MLIP: variants seen among roughly 807,000 people sequenced by gnomAD.
MLIP encodes muscular LMNA-interacting protein.
A neutral mutation model predicts 84.8 loss-of-function variants in MLIP; 79 were observed. The observed-to-expected ratio is 0.93, with a 90% CI of 0.78 to 1.12. MLIP has a LOEUF of 1.12. Among genes scored for constraint, MLIP ranks in the 50% most tolerant of loss-of-function variants. The pLI, the probability that MLIP is intolerant of heterozygous loss-of-function variation, is 0.00. For synonymous variants in MLIP, 504 were observed against 463.0 expected (o/e 1.09, Z -1.14); for missense variants, 1,257 against 1,160.6 (o/e 1.08, Z -1.21).
At chr6:54,211,705 T>C (rs1779464396) in intron 11 of MLIP, among the ~76,000 whole-genome samples, 2 of 152,172 alleles carry the variant, frequency 1.3e-5, no homozygotes, top group South Asian at 4.1e-4. Flanking sequence ...GCTACTAGCA[T>C]TTAGTAGGTG....
chr6:54,234,055 TCTTGTAGATTTATTTAAGTTC>T (rs1781195558), intron 12 of MLIP, among the ~76,000 whole-genome samples: 1 of 152,200 alleles, frequency 6.6e-6, no homozygotes, highest in Non-Finnish European at 1.5e-5. Context: ...TTTGTTTTTT[TCTTGTAGATTTATTTAAGTTC>T]CTTGTAGATT....
At chr6:54,152,569 G>C (rs1773561602) in intron 5 of MLIP, among the ~76,000 whole-genome samples, 1 of 152,074 alleles carries the variant, frequency 6.6e-6, no homozygotes, top group Non-Finnish European at 1.5e-5. Flanking sequence ...GGGAAAGACT[G>C]GCACCCATGA....
Position 54,160,919 on chromosome 6 carries a change from C to CT in MLIP, c.2499+126dup, listed in dbSNP as rs560084368. The CT allele has an allele frequency of 5.2e-6, 4 of 768,918 alleles. No individual in the cohort carries two copies. The South Asian group carries it at 5.4e-5, about 10-fold the overall frequency. The allele number at this position is 768,918 out of a possible 1,614,324, so 47.6% of individuals were successfully genotyped here. ...ATAAATTTAGTGAATAGCAATCAGT[C>CT]TTTTTTGTAGAATTTTAAAGATAGT... On this transcript the variant is annotated intron_variant, in intron 8 of 13. Transcript: ENST00000502396.
chr6:54,155,799 G>C (rs1381384074), intron 5 of MLIP, among the ~76,000 whole-genome samples: 1 of 151,880 alleles, frequency 6.6e-6, no homozygotes, highest in Non-Finnish European at 1.5e-5. Context: ...AGATTTATTT[G>C]GTATCTTTTC....
At chr6:54,212,089 T>C (rs145758734) in intron 11 of MLIP, among the ~76,000 whole-genome samples, 52 of 152,336 alleles carry the variant, frequency 3.4e-4, no homozygotes, top group Middle Eastern at 3.4e-3. Context: ...ATGTACATTT[T>C]CAATGATTCC....
chr6:54,137,338 A>C lies in MLIP; in HGVS notation c.1269A>C (p.Ser423=), dbSNP rs1000286635. ...RLALLTAILK[S]NPSHQRPFSP... is the part of the protein sequence containing the mutation. ...CCCTTCTCACTGCCATTCTCAAGTC[A>C]AACCCTTCCCACCAAAGACCCTTTT... Residue 423 remains serine, a synonymous_variant, in exon 4 of 14, where the codon TCA becomes TCC. Coordinates refer to ENST00000502396, the MANE Select transcript of MLIP (RefSeq NM_001281747.2). The C allele has an allele frequency of 2.6e-6, 4 of 1,535,880 alleles. No individual in the cohort carries two copies. Among genetic ancestry groups the C allele is most frequent in the Non-Finnish European group, 3.5e-6 (4 of 1,146,846 alleles).
chr6:54,171,717 C>A (rs1775788275), intron 9 of MLIP, among the ~76,000 whole-genome samples: 1 of 151,252 alleles, frequency 6.6e-6, no homozygotes, highest in Non-Finnish European at 1.5e-5. Context: ...AAGAATGATA[C>A]TGTAATATTT....
At chr6:54,213,468 A>G (rs570556763) in intron 11 of MLIP, among the ~76,000 whole-genome samples, 1 of 152,058 alleles carries the variant, frequency 6.6e-6, no homozygotes, top group South Asian at 2.1e-4. Flanking sequence ...TTGGGAGGCC[A>G]AGGCAGGCAG....
At chr6:54,040,729 C>T (rs1764696569) in intron 1 of MLIP, among the ~76,000 whole-genome samples, 1 of 152,024 alleles carries the variant, frequency 6.6e-6, no homozygotes, top group South Asian at 2.1e-4. Context: ...GAATACTATG[C>T]AGCCATAAAA....
chr6:54,060,985 C>CTTT (rs78569538), intron 1 of MLIP, among the ~76,000 whole-genome samples: 3 of 128,066 alleles, frequency 2.3e-5, no homozygotes, highest in Admixed American at 2.3e-4. Flanking sequence ...TTTACTGTTT[C>CTTT]TTTTTTTTTT....
At position 54,187,468 on chromosome 6, in the gene MLIP, C is replaced by A. The variant is rs11969471; in HGVS notation, c.2545-2402C>A. Among the ~76,000 whole-genome samples the A allele has an allele frequency of 3.9e-5, 6 of 152,098 alleles. No homozygotes were observed. In the South Asian group the frequency reaches 1.2e-3, roughly 32 times the overall value. ...ATATTTAAAACATTAAACATTATAACGTGTTATAGATATTATAAGATAAGC... is the reference window on the plus strand; with the variant it reads ...ATATTTAAAACATTAAACATTATAAAGTGTTATAGATATTATAAGATAAGC... On this transcript the variant is annotated intron_variant, in intron 9 of 13. Coordinates refer to ENST00000502396, the MANE Select transcript of MLIP (RefSeq NM_001281747.2).
At chr6:54,163,244 GCTA>G (rs1305760908) in intron 8 of MLIP, among the ~76,000 whole-genome samples, 5 of 151,522 alleles carry the variant, frequency 3.3e-5, no homozygotes, top group Non-Finnish European at 5.9e-5. Flanking sequence ...ATCTTTTACT[GCTA>G]CTTTCCTTTT....
chr6:54,050,332 A>G (rs964649093), intron 1 of MLIP, among the ~76,000 whole-genome samples: 2 of 152,140 alleles, frequency 1.3e-5, no homozygotes, highest in African/African-American at 4.8e-5. Flanking sequence ...ACCATGACTA[A>G]TGCCTTAGTA....
chr6:54,240,633 G>A (rs1285820967), intron 12 of MLIP, among the ~76,000 whole-genome samples: 1 of 152,116 alleles, frequency 6.6e-6, no homozygotes, highest in African/African-American at 2.4e-5. Flanking sequence ...CTAACTTTAG[G>A]ACTCAGATTG....
chr6:54,234,853 T>C (rs1781257720), intron 12 of MLIP, among the ~76,000 whole-genome samples: 1 of 152,178 alleles, frequency 6.6e-6, no homozygotes, highest in Non-Finnish European at 1.5e-5. Context: ...CTCTACCTCT[T>C]CTTTCTAATT....
At chr6:54,063,280 A>G (rs1447883762) in intron 1 of MLIP, 7 of 151,452 alleles carry the variant, frequency 4.6e-5, no homozygotes, top group African/African-American at 1.2e-4. Flanking sequence ...TATTTCTCAG[A>G]TCCCTCTTTT....
chr6:54,216,135 A>T (rs1449287418), intron 11 of MLIP: 2 of 984,098 alleles, frequency 2.0e-6, no homozygotes, highest in African/African-American at 3.5e-5. Context: ...TGAATGAAAT[A>T]CTCACTATCA....
chr6:54,265,981 G>T lies in MLIP; in HGVS notation c.*26G>T. On this transcript the variant is annotated 3_prime_UTR_variant, in exon 14 of 14. Transcript: ENST00000502396. ...AGTTGGAGCAGAGGCTGAAAACACAGGCTGCTGAAGTTTTTTGGAATGCTG... is the reference window on the plus strand; with the variant it reads ...AGTTGGAGCAGAGGCTGAAAACACATGCTGCTGAAGTTTTTTGGAATGCTG... The T allele has an allele frequency of 6.2e-7, 1 of 1,610,972 alleles. No individual in the cohort carries two copies. Among genetic ancestry groups the T allele is most frequent in the Non-Finnish European group, 8.5e-7 (1 of 1,178,572 alleles).
chr6:54,102,115 A>T (rs1489867488), intron 1 of MLIP, among the ~76,000 whole-genome samples: 1 of 152,150 alleles, frequency 6.6e-6, no homozygotes, highest in Non-Finnish European at 1.5e-5. Context: ...ATGAGGTGCA[A>T]CATGAACCTG....
Sources: allele counts gnomAD v4.1 joint callset (sites outside exome capture counted in the v4.1 genomes callset), GRCh38; gene constraint gnomAD v4.1.1; transcripts MANE v1.5; gene names NCBI Gene and HGNC (gene_info 2026-07-23, HGNC 2026-07-21).